C10orf67: variants seen among roughly 807,000 people sequenced by gnomAD.
C10orf67 encodes the protein uncharacterized protein C10orf67, mitochondrial.
C10orf67 carries 60 observed loss-of-function variants against 35.6 expected under a neutral mutation model. The observed-to-expected ratio is 1.68, with a 90% CI of 1.37 to 2.09. C10orf67 has a LOEUF of 2.09. Among genes scored for constraint, C10orf67 ranks in the 30% most tolerant of loss-of-function variants. The probability of loss-of-function intolerance (pLI) is 0.00; values close to 1 mark genes in which losing one functional copy is unlikely to be tolerated. For synonymous variants in C10orf67, 167 were observed against 115.8 expected (o/e 1.44, Z -2.84); for missense variants, 474 against 330.2 (o/e 1.44, Z -3.38).
At chr10:23,343,073 G>C (rs766365294) in intron 1 of C10orf67, among the ~76,000 whole-genome samples, 5 of 152,230 alleles carry the variant, frequency 3.3e-5, no homozygotes, top group South Asian at 2.1e-4. Flanking sequence ...TAGAACACAG[G>C]GGGCAAAGGA....
chr10:23,292,589 T>C (rs1462015024), intron 5 of C10orf67, among the ~76,000 whole-genome samples: 1 of 152,166 alleles, frequency 6.6e-6, no homozygotes, highest in Non-Finnish European at 1.5e-5. Flanking sequence ...AGGTTAAGGA[T>C]ATGTGGAAGT....
intron 13 of C10orf67, among the ~76,000 whole-genome samples, chr10:23,232,331 G>A (rs1170707363): frequency 6.6e-6 from 1 of 152,006 alleles, no homozygotes; most frequent in Non-Finnish European, 1.5e-5. Context: ...CTTACTCCCT[G>A]GATAAAAGAA....
intron 7 of C10orf67, among the ~76,000 whole-genome samples, chr10:23,288,119 GTA>G (rs1419284440): frequency 6.6e-6 from 1 of 152,286 alleles, no homozygotes; most frequent in Admixed American, 6.5e-5. Context: ...CCATCAATGT[GTA>G]TATACTCAAA....
chr10:23,255,180 T>C (rs949902679), intron 10 of C10orf67, among the ~76,000 whole-genome samples: 4 of 152,144 alleles, frequency 2.6e-5, no homozygotes, highest in African/African-American at 4.8e-5. Flanking sequence ...AGGCTGAGAA[T>C]TGGGAACACG....
intron 4 of C10orf67, among the ~76,000 whole-genome samples, chr10:23,316,296 C>T (rs1482807870): frequency 6.6e-6 from 1 of 152,224 alleles, no homozygotes; most frequent in African/African-American, 2.4e-5. Context: ...AGGTATACCA[C>T]AAGTGGCTTC....
At chr10:23,278,314 G>C (rs1843257102) in intron 8 of C10orf67, among the ~76,000 whole-genome samples, 1 of 152,168 alleles carries the variant, frequency 6.6e-6, no homozygotes, top group Non-Finnish European at 1.5e-5. Flanking sequence ...AAACCCCACT[G>C]TAGTTACTCT....
intron 8 of C10orf67, among the ~76,000 whole-genome samples, chr10:23,280,600 T>A (rs927708050): frequency 9.2e-5 from 14 of 152,220 alleles, no homozygotes; most frequent in African/African-American, 1.7e-4. Flanking sequence ...AGTCTAGGCA[T>A]CCTGAAGGCT....
chr10:23,257,512 C>G (rs1437831182), intron 10 of C10orf67, among the ~76,000 whole-genome samples: 1 of 152,136 alleles, frequency 6.6e-6, no homozygotes, highest in African/African-American at 2.4e-5. Flanking sequence ...AAAAGAATAT[C>G]AAAACTGTTG....
chr10:23,323,397 C>T (rs1185939152), intron 2 of C10orf67, among the ~76,000 whole-genome samples: 1 of 152,060 alleles, frequency 6.6e-6, no homozygotes, highest in African/African-American at 2.4e-5. Flanking sequence ...GTGGGTGAAA[C>T]TCAGGTGAGC....
At chr10:23,226,494 T>A (rs1841745860) in intron 13 of C10orf67, among the ~76,000 whole-genome samples, 1 of 151,614 alleles carries the variant, frequency 6.6e-6, no homozygotes, top group Admixed American at 6.6e-5. Flanking sequence ...GCAGGAAAGA[T>A]CTAAAATTGA....
chr10:23,314,137 G>C (rs1844600613), intron 4 of C10orf67, among the ~76,000 whole-genome samples: 1 of 152,104 alleles, frequency 6.6e-6, no homozygotes. Context: ...GCAGTGAGCA[G>C]AGACGGTGCC....
In C10orf67 at chr10:23,221,198, G is replaced by A. The variant is rs528982505; in HGVS notation, c.1570+2400C>T. On this transcript the variant is annotated intron_variant, in intron 15 of 15. Transcript: ENST00000636213. The stretch of plus-strand genomic sequence containing the variant: ...ACTTACAATCATGGTGGAAGGGGAA[G>A]TAAGCATGTCTTACAATGGAGGAGC... Among the ~76,000 whole-genome samples the A allele has an allele frequency of 2.7e-4, 41 of 152,274 alleles. 1 individual carries two copies. Among genetic ancestry groups the A allele is most frequent in the Admixed American group, 9.8e-4 (15 of 15,286 alleles).
At chr10:23,310,375 C>T (rs1008436609) in intron 4 of C10orf67, among the ~76,000 whole-genome samples, 5 of 152,232 alleles carry the variant, frequency 3.3e-5, no homozygotes, top group African/African-American at 1.2e-4. Flanking sequence ...GGTTGAGCCT[C>T]TCTTTCTTTT....
At chr10:23,323,790 T>C (rs1845050961) in intron 2 of C10orf67, among the ~76,000 whole-genome samples, 1 of 147,660 alleles carries the variant, frequency 6.8e-6, no homozygotes, top group Non-Finnish European at 1.5e-5. Context: ...TGCGCCCCTG[T>C]AATCCCAGCC....
At chr10:23,301,158 G>C (rs1013967424) in intron 5 of C10orf67, among the ~76,000 whole-genome samples, 2 of 152,196 alleles carry the variant, frequency 1.3e-5, no homozygotes, top group Non-Finnish European at 2.9e-5. Context: ...GAAAGGTAGG[G>C]GTGCACGCAT....
intron 3 of C10orf67, among the ~76,000 whole-genome samples, chr10:23,321,341 A>G (rs1044879418): frequency 9.2e-5 from 14 of 152,254 alleles, no homozygotes; most frequent in African/African-American, 3.4e-4. Context: ...GAGTATAAAC[A>G]AGAAATAGGC....
In C10orf67 at chr10:23,205,009, A is replaced by G. The variant is rs184233987; in HGVS notation, c.1571-754T>C. ...GTCACCGGTAGGTGTCAATGTGGAC[A>G]CTTATAGCCGGGGCAGTGGGAGAGG... On this transcript the variant is annotated intron_variant, in intron 15 of 15. Coordinates refer to ENST00000636213, the MANE Select transcript of C10orf67 (RefSeq NM_001371909.1). Among the ~76,000 whole-genome samples the G allele has an allele frequency of 5.2e-3, 796 of 152,318 alleles. 4 individuals are homozygous for G. Among genetic ancestry groups the G allele is most frequent in the Non-Finnish European group, 7.4e-3 (501 of 68,024 alleles).
chr10:23,308,877 T>C (rs990825340), intron 4 of C10orf67, among the ~76,000 whole-genome samples: 1 of 152,162 alleles, frequency 6.6e-6, no homozygotes, highest in Admixed American at 6.6e-5. Flanking sequence ...AGTCCTGTTG[T>C]GGCTATTTTT....
chr10:23,226,359 A>G (rs1355183398), intron 13 of C10orf67, among the ~76,000 whole-genome samples: 1 of 152,184 alleles, frequency 6.6e-6, no homozygotes, highest in East Asian at 1.9e-4. Flanking sequence ...TAACAAAATG[A>G]AGGCAGAAAT....
Sources: gnomAD v4.1 joint callset for allele counts (sites outside exome capture counted in the v4.1 genomes callset) on GRCh38, gnomAD v4.1.1 for gene constraint, MANE v1.5 for transcripts, NCBI Gene and HGNC (gene_info 2026-07-23, HGNC 2026-07-21) for gene names.